The following MDGA1 variants were observed in gnomAD, a reference collection of about 807,000 sequenced individuals.
MDGA1 encodes the protein MAM domain containing glycosylphosphatidylinositol anchor 1, also known as MAM domain-containing glycosylphosphatidylinositol anchor protein 1.
A neutral mutation model predicts 101.5 loss-of-function variants in MDGA1; 54 were observed. The ratio of observed to expected loss-of-function variants is 0.53; its 90% CI spans 0.43 to 0.67. The LOEUF (loss-of-function observed/expected upper bound fraction) is 0.67, where lower values mean the gene tolerates loss of function less well. MDGA1 is among the 30% of genes least tolerant of loss of function. The pLI is 0.00. For missense variants in MDGA1, 1,083 were observed against 1,323.8 expected (o/e 0.82, Z 2.82); for synonymous variants, 533 against 558.3 (o/e 0.95, Z 0.64).
Position 37,697,154 on chromosome 6 carries a change from C to T in MDGA1, c.-343G>A, listed in dbSNP as rs942665802. On this transcript the variant is annotated 5_prime_UTR_variant, in exon 1 of 17. Coordinates refer to ENST00000434837, the MANE Select transcript of MDGA1 (RefSeq NM_153487.4). The stretch of plus-strand genomic sequence containing the variant: ...CGCGCGGGATGCTAGGCGCCGGGGA[C>T]CTCTCGGCGGCGGAGGCGGCGCTTC... The T allele has an allele frequency of 1.0e-4, 23 of 230,172 alleles. No homozygotes were observed. Among genetic ancestry groups the T allele is most frequent in the African/African-American group, 5.3e-4 (23 of 43,618 alleles). The allele number at this position is 230,172 out of a possible 1,614,324, so 14.3% of individuals were successfully genotyped here.
chr6:37,647,092 C>T (rs780054214), intron 10 of MDGA1, 81 bp downstream of exon 10: 8 of 1,333,878 alleles, frequency 6.0e-6, no homozygotes, highest in Middle Eastern at 2.2e-4. Flanking sequence ...TCCGACCCTT[C>T]CTCTGGCCTT....
chr6:37,642,982 C>T (rs1764126917), intron 14 of MDGA1, among the ~76,000 whole-genome samples: 1 of 152,200 alleles, frequency 6.6e-6, no homozygotes, highest in Admixed American at 6.5e-5. Context: ...TTCACTCCCT[C>T]ACTTGGGAAG....
At chr6:37,664,160 G>A (rs1195638845) in intron 1 of MDGA1, 54 bp from the exon 2 acceptor site, 74 of 1,607,418 alleles carry the variant, frequency 4.6e-5, no homozygotes, top group Non-Finnish European at 6.3e-5. Context: ...AAGGCCAGAA[G>A]AAGTCTGGGG....
At chr6:37,664,133 T>A in intron 1 of MDGA1, 27 bp from the exon 2 acceptor site, 1 of 1,612,520 alleles carries the variant, frequency 6.2e-7, no homozygotes, top group African/African-American at 1.3e-5. Flanking sequence ...GAGGAGGAGG[T>A]TTAGAGAAGA....
intron 1 of MDGA1, among the ~76,000 whole-genome samples, chr6:37,667,437 T>G (rs1761778347): frequency 6.6e-6 from 1 of 152,222 alleles, no homozygotes; most frequent in African/African-American, 2.4e-5. Flanking sequence ...CAACTCACAC[T>G]TTCTATGAAT....
rs1309286953 is a variant in MDGA1 at position 37,649,210 on chromosome 6, C to T, written c.1666G>A (p.Val556Met). Residue 556 changes from valine to methionine, a missense_variant, in exon 9 of 17, where the codon GTG (valine) becomes ATG (methionine). By Grantham distance (21) the Val-to-Met change is conservative (BLOSUM62 1). Coordinates refer to ENST00000434837, the MANE Select transcript of MDGA1 (RefSeq NM_153487.4). The part of the protein sequence containing the change: ...QDVRQALGRP[V>M]LLRCSLLRGS... The stretch of plus-strand genomic sequence containing the variant: ...CGCAGCAGCGAGCAGCGCAGGAGCA[C>T]GGGCCGGCCCAGCGCCTGGCGCACG... The T allele has an allele frequency of 1.3e-6, 2 of 1,508,526 alleles. No homozygotes were observed. Among genetic ancestry groups the T allele is most frequent in the Non-Finnish European group, 1.8e-6 (2 of 1,136,470 alleles). The allele number at this position is 1,508,526 out of a possible 1,614,324, so 93.4% of individuals were successfully genotyped here. A position where few individuals can be genotyped will look rare whatever the true frequency, so the allele number is the denominator to read the frequency against.
chr6:37,640,083 G>A (rs1466535553), intron 14 of MDGA1, among the ~76,000 whole-genome samples: 1 of 152,192 alleles, frequency 6.6e-6, no homozygotes, highest in Non-Finnish European at 1.5e-5. Context: ...CTGGGGAGCT[G>A]TACGTTAAGG....
chr6:37,646,321 C>A lies in MDGA1; in HGVS notation c.2101G>T (p.Gly701Trp). 1 of 1,591,522 alleles carries A rather than the reference C, an allele frequency of 6.3e-7. No homozygotes were observed. ...KAIPVRRVEK[G>W]QLLEYILTDL... ...GTCAGGATGTACTCCAGCAGCTGCC[C>A]CTTCTCCACACGCCGGACCGGGATG... Residue 701 changes from glycine (G) to tryptophan (W), a missense_variant, in exon 11 of 17, where the codon GGG becomes TGG. Physicochemically the swap from Gly to Trp is radical, Grantham distance 184. This residue lies in a region of MDGA1 where 657 missense variants were observed against 771.4 expected (regional missense o/e 0.85). Transcript: ENST00000434837.
chr6:37,655,900 C>A lies in MDGA1; in HGVS notation c.383-4G>T, dbSNP rs1272945414. On this transcript the variant is annotated splice_polypyrimidine_tract_variant and splice_region_variant and intron_variant, in intron 3 of 16. Transcript: ENST00000434837. This position sits in a 1 kb window ranked among gnomAD's most constrained non-coding sequence, Gnocchi z 5.1. ...GTCAGCATTGGCTCATCCAGGTCTG[C>A]AAGGGCACAGCCCCCATGGAGTCAG... is the stretch of plus-strand genomic sequence containing the variant. 3 of 1,609,662 alleles carry A rather than the reference C, an allele frequency of 1.9e-6. No individual in the cohort carries two copies. The highest frequency in any genetic ancestry group is 2.5e-6 in the Non-Finnish European group (3 of 1,177,946).
chr6:37,646,650 G>A (rs531854226), intron 10 of MDGA1, among the ~76,000 whole-genome samples: 11 of 152,296 alleles, frequency 7.2e-5, no homozygotes, highest in Middle Eastern at 6.8e-3. Flanking sequence ...GCCAAAGAGA[G>A]TAGCTTGCTG....
chr6:37,642,183 T>C (rs1427117042), intron 14 of MDGA1, among the ~76,000 whole-genome samples: 2 of 142,402 alleles, frequency 1.4e-5, no homozygotes, highest in Admixed American at 6.9e-5. Flanking sequence ...TTCTTTCTTT[T>C]TTTTTTTTTT....
rs140928684 is a variant in MDGA1, at chr6:37,658,168, C to G, written c.382+77G>C. On this transcript the variant is annotated intron_variant, in intron 3 of 16. Transcript: ENST00000434837. ...GTTCCACCCCATGCCCACTTCCCCA[C>G]CTCACCTCATCCCTGGGGCGCCCTC... is the stretch of plus-strand genomic sequence containing the variant. 151 of 1,432,812 alleles carry G rather than the reference C, an allele frequency of 1.1e-4. No individual in the cohort carries two copies. The African/African-American group carries it at 1.9e-3, about 18-fold the overall frequency. 88.8% of individuals were successfully genotyped at this position (1,432,812 alleles called of 1,614,324 possible). A position where few individuals can be genotyped will look rare whatever the true frequency, so the allele number is the denominator to read the frequency against.
chr6:37,662,256 T>C (rs968961452), intron 2 of MDGA1, among the ~76,000 whole-genome samples: 1 of 151,054 alleles, frequency 6.6e-6, no homozygotes, highest in African/African-American at 2.4e-5. Context: ...ACAGGACTGA[T>C]AGGCTGACCC....
At chr6:37,640,864 C>T (rs1054800146) in intron 14 of MDGA1, among the ~76,000 whole-genome samples, 11 of 152,100 alleles carry the variant, frequency 7.2e-5, no homozygotes, top group African/African-American at 2.2e-4. Context: ...AAGAGAGAGC[C>T]GTTCCTTTGG....
Position 37,655,679 on chromosome 6 carries a change from G to A in MDGA1, c.579+21C>T, listed in dbSNP as rs117540400. On this transcript the variant is annotated intron_variant, in intron 4 of 16. Coordinates refer to ENST00000434837, the MANE Select transcript of MDGA1 (RefSeq NM_153487.4). This position sits in a 1 kb window ranked among gnomAD's most constrained non-coding sequence, Gnocchi z 5.1. ...GGATGCAGGAGAAGTGGTATGGGGC[G>A]AGCCAGCTGCCCATCCTGACCTGAG... 16 of 1,581,358 alleles carry A rather than the reference G, an allele frequency of 1.0e-5. No individual in the cohort carries two copies. The highest frequency in any genetic ancestry group is 9.0e-5 in the East Asian group (4 of 44,282).
intron 7 of MDGA1, among the ~76,000 whole-genome samples, chr6:37,651,534 C>T (rs1004469012): frequency 2.4e-4 from 37 of 152,136 alleles, no homozygotes; most frequent in African/African-American, 7.2e-4. Flanking sequence ...TTTATTTTTC[C>T]GGGCCCTTAA....
rs778034318 is a variant in MDGA1 at position 37,643,948 on chromosome 6, G to C, written c.2402-5C>G. On this transcript the variant is annotated splice_region_variant and splice_polypyrimidine_tract_variant and intron_variant, in intron 13 of 16. Coordinates refer to ENST00000434837, the MANE Select transcript of MDGA1 (RefSeq NM_153487.4). ...TCTCGATGAACATGTAGTAGCCTGC[G>C]GGGAATGGGGAGATGCGCCAACAGC... 6.2e-7 allele frequency: 1 copy of C among 1,613,404 alleles called. No individual in the cohort carries two copies.
Position 37,638,254 on chromosome 6 carries a change from G to C in MDGA1, c.2727C>G (p.Val909=). Residue 909 remains valine, a synonymous_variant, in exon 16 of 17, where the codon GTC becomes GTG. Coordinates refer to ENST00000434837, the MANE Select transcript of MDGA1 (RefSeq NM_153487.4). The surrounding 1 kb of genome is among the most constrained non-coding windows in gnomAD (Gnocchi z 4.8). ...GGGGACACTCCCCCTTCTTCAGTGT[G>C]ACGTCATCTATGGCAATATCCCCCA... The part of the protein sequence containing the change: ...GYLGDIAIDD[V]TLKKGECPRK... The C allele has an allele frequency of 6.2e-7, 1 of 1,613,696 alleles. No individual in the cohort carries two copies. The highest frequency in any genetic ancestry group is 1.1e-5 in the South Asian group (1 of 91,052).
rs775427152 is a variant in MDGA1, at chr6:37,655,874, C to T, written c.405G>A (p.Thr135=). ...DVQYLDEPML[T]VHQTVSDVRG... ...GCACATCGCTCACCGTCTGGTGCAC[C>T]GTCAGCATTGGCTCATCCAGGTCTG... The change falls in exon 4 of 17, where the codon ACG becomes ACA. Residue 135 remains threonine (T), a synonymous_variant. Transcript: ENST00000434837. The surrounding 1 kb of genome is among the most constrained non-coding windows in gnomAD (Gnocchi z 5.1). 18 of 1,612,780 alleles carry T rather than the reference C, an allele frequency of 1.1e-5. No individual in the cohort carries two copies. The highest frequency in any genetic ancestry group is 6.7e-5 in the Admixed American group (4 of 59,930).
Sources: gnomAD v4.1 joint callset for allele counts (sites outside exome capture counted in the v4.1 genomes callset) on GRCh38, gnomAD v4.1.1 for gene constraint, gnomAD v4.1.1 regional missense constraint, Gnocchi (gnomAD v3.1) non-coding constraint, MANE v1.5 for transcripts, NCBI Gene and HGNC (gene_info 2026-07-23, HGNC 2026-07-21) for gene names.